ROS1: variants seen among roughly 807,000 people sequenced by gnomAD.
ROS1 encodes ROS proto-oncogene 1, receptor tyrosine kinase, also known as proto-oncogene tyrosine-protein kinase ROS.
Under a neutral mutation model 273.5 loss-of-function variants are expected in ROS1, and 263 were observed. The observed-to-expected ratio is 0.96, with a 90% CI of 0.87 to 1.06. The LOEUF is 1.06. Ranked by LOEUF, ROS1 falls within the 50% of genes least tolerant of loss-of-function variation. ROS1 has a pLI of 0.00. For synonymous variants in ROS1, 1,008 were observed against 954.1 expected (o/e 1.06, Z -1.04); for missense variants, 2,833 against 2,751.1 (o/e 1.03, Z -0.67).
At chr6:117,310,477 C>T (rs1246507630) in intron 40 of ROS1, among the ~76,000 whole-genome samples, 196 bp from the exon 41 acceptor site, 1 of 151,498 alleles carries the variant, frequency 6.6e-6, no homozygotes, top group African/African-American at 2.4e-5. Context: ...CTGCACCTAT[C>T]AACCTGTCAT....
intron 16 of ROS1, among the ~76,000 whole-genome samples, chr6:117,385,470 G>A (rs916846541): frequency 6.6e-5 from 10 of 151,810 alleles, no homozygotes; most frequent in African/African-American, 1.7e-4. Context: ...CCAAGATGGC[G>A]CCACTGCACT....
chr6:117,306,475 C>A (rs1002405548), intron 42 of ROS1, among the ~76,000 whole-genome samples: 1 of 152,066 alleles, frequency 6.6e-6, no homozygotes, highest in Non-Finnish European at 1.5e-5. Context: ...GGTTGTTGTG[C>A]AAACTAAAAA....
rs1772862569 is a variant in ROS1 at position 117,389,409 on chromosome 6, A to G, written c.1727T>C (p.Leu576Pro). 1 of 1,614,194 alleles carries G rather than the reference A, an allele frequency of 6.2e-7. No individual in the cohort carries two copies. The highest frequency in any genetic ancestry group is 2.2e-5 in the East Asian group (1 of 44,874). The change falls in exon 13 of 44, where the codon CTG becomes CCG. Residue 576 changes from leucine (L) to proline (P), a missense_variant. Transcript: ENST00000368507. ...LPGRPQELSV[L>P]FGSHQALVQW... Reference sequence around the variant, plus strand: ...AACAAGAGCCTGGTGAGAGCCAAACAGCACCGAAAGCTCCTGCGGGCGGCC... The same window carrying G: ...AACAAGAGCCTGGTGAGAGCCAAACGGCACCGAAAGCTCCTGCGGGCGGCC...
chr6:117,356,804 G>A lies in ROS1; in HGVS notation c.3951C>T (p.Asn1317=). 6.2e-7 allele frequency: 1 copy of A among 1,614,014 alleles called. No individual in the cohort carries two copies. The highest frequency in any genetic ancestry group is 1.1e-5 in the South Asian group (1 of 91,060). ...CATTACAAGAACATTGATTCCTTTT[G>A]TTTTGTTGGTTTGTAGCTGTGGGTT... The part of the protein sequence containing the change: ...ILQPTATNQQ[N]KRNQCSCNVT... The change falls in exon 26 of 44, where the codon AAC becomes AAT. Residue 1317 remains asparagine (N), a synonymous_variant. Transcript: ENST00000368507.
intron 26 of ROS1, among the ~76,000 whole-genome samples, chr6:117,355,965 C>T (rs1355802776): frequency 1.3e-5 from 2 of 152,096 alleles, no homozygotes; most frequent in Admixed American, 6.5e-5. Flanking sequence ...GATTACCACA[C>T]TGGGCAATGA....
intron 25 of ROS1, among the ~76,000 whole-genome samples, chr6:117,357,501 C>T (rs1779421703): frequency 6.6e-6 from 1 of 152,202 alleles, no homozygotes; most frequent in South Asian, 2.1e-4. Flanking sequence ...CTGTCTCAAT[C>T]CACTTCTTGT....
At chr6:117,326,159 G>T in intron 34 of ROS1, 65 bp downstream of exon 34, 2 of 726,634 alleles carry the variant, frequency 2.8e-6, no homozygotes, top group Non-Finnish European at 4.4e-6. Context: ...TGTTAAGAAT[G>T]TACTGATATT....
intron 12 of ROS1, among the ~76,000 whole-genome samples, chr6:117,391,283 C>A (rs985210188): frequency 6.6e-6 from 1 of 152,044 alleles, no homozygotes; most frequent in Admixed American, 6.6e-5. Flanking sequence ...TTCCTAAATT[C>A]AAAATTGTTA....
chr6:117,355,584 G>A lies in ROS1; in HGVS notation c.4126+1045C>T, dbSNP rs150715119. Among the ~76,000 whole-genome samples, 255 of 151,968 alleles carry A rather than the reference G, an allele frequency of 1.7e-3. 5 individuals are homozygous for A. The East Asian group carries it at 0.028, about 17-fold the overall frequency. ...CTTGAAGTTTAGCTAGTGTGACTGC[G>A]AGATTAAAATGTTTAATTTTATTTA... On this transcript the variant is annotated intron_variant, in intron 26 of 43. Coordinates refer to ENST00000368507, the MANE Select transcript of ROS1 (RefSeq NM_001378902.1).
chr6:117,384,617 T>G (rs1187462796), intron 16 of ROS1, among the ~76,000 whole-genome samples: 2 of 152,216 alleles, frequency 1.3e-5, no homozygotes, highest in Non-Finnish European at 2.9e-5. Flanking sequence ...CCAATGTTCT[T>G]GTCATTAGCC....
intron 39 of ROS1, among the ~76,000 whole-genome samples, chr6:117,316,345 T>C (rs72963565): frequency 0.015 from 2,351 of 152,256 alleles, 23 homozygotes; most frequent in Non-Finnish European, 0.023. Context: ...GCTCCTGTTT[T>C]TCACTATATG....
At chr6:117,331,278 G>A (rs1409604801) in intron 32 of ROS1, among the ~76,000 whole-genome samples, 1 of 152,040 alleles carries the variant, frequency 6.6e-6, no homozygotes, top group East Asian at 1.9e-4. Context: ...AAGACATGCT[G>A]ACAAGAAGAG....
intron 43 of ROS1, 35 bp downstream of exon 43, chr6:117,300,939 G>C (rs1774670352): frequency 6.6e-7 from 1 of 1,514,256 alleles, no homozygotes; most frequent in Non-Finnish European, 8.8e-7. Flanking sequence ...TCACAGTGCA[G>C]CGAAAACTAG....
chr6:117,414,191 T>C (rs180687995), intron 4 of ROS1, among the ~76,000 whole-genome samples: 12 of 152,182 alleles, frequency 7.9e-5, no homozygotes, highest in African/African-American at 2.6e-4. Context: ...CTCCCCTCCA[T>C]TACCCCAACT....
Position 117,356,923 on chromosome 6 carries a change from G to C in ROS1, c.3840-8C>G. 3.1e-6 allele frequency: 5 copies of C among 1,590,728 alleles called. No homozygotes were observed. The highest frequency in any genetic ancestry group is 1.1e-5 in the South Asian group (1 of 87,136). ...TCTGTCCAATACAAGCGACTATAGA[G>C]GAAAAAAAAGTCCCCCCAACTTAAT... On this transcript the variant is annotated splice_polypyrimidine_tract_variant and splice_region_variant and intron_variant, in intron 25 of 43. Transcript: ENST00000368507.
chr6:117,354,820 T>C (rs906490318), intron 26 of ROS1, among the ~76,000 whole-genome samples: 1 of 152,188 alleles, frequency 6.6e-6, no homozygotes, highest in African/African-American at 2.4e-5. Flanking sequence ...AGAAAGACTT[T>C]AGTCAAGATA....
intron 7 of ROS1, among the ~76,000 whole-genome samples, chr6:117,401,422 T>G (rs1312156175): frequency 6.6e-6 from 1 of 152,218 alleles, no homozygotes; most frequent in Non-Finnish European, 1.5e-5. Flanking sequence ...TCTCTGGCTA[T>G]GTGTCACATC....
At position 117,393,018 on chromosome 6, in the gene ROS1, C is replaced by G. The variant is rs1455523490; in HGVS notation, c.1289+206G>C. 5.9e-5 allele frequency among the ~76,000 whole-genome samples: 9 copies of G among 152,246 alleles called. No individual in the cohort carries two copies. The East Asian group carries it at 1.5e-3, about 26-fold the overall frequency. On this transcript the variant is annotated intron_variant, in intron 12 of 43. Transcript: ENST00000368507. ...GCTGTGAAGGAGAGAGAAATAACTA[C>G]TTTATAAGAGTTGATTTATGTTTGA... is the stretch of plus-strand genomic sequence containing the variant.
intron 17 of ROS1, among the ~76,000 whole-genome samples, chr6:117,382,748 TACTTTGTACCTGGA>T (rs539332553): frequency 6.6e-6 from 1 of 152,272 alleles, no homozygotes; most frequent in African/African-American, 2.4e-5. Context: ...ACGGAGCATT[TACTTTGTACCTGGA>T]ACTATTCCCA....
Sources: allele counts gnomAD v4.1 joint callset (sites outside exome capture counted in the v4.1 genomes callset), GRCh38; gene constraint gnomAD v4.1.1; transcripts MANE v1.5; gene names NCBI Gene and HGNC (gene_info 2026-07-23, HGNC 2026-07-21).